The following SNX24 variants were observed in gnomAD, a reference collection of about 807,000 sequenced individuals.
The protein encoded by SNX24 is sorting nexin 24.
Under a neutral mutation model 28.7 loss-of-function variants are expected in SNX24, and 22 were observed. That is an observed-to-expected ratio of 0.77 (90% CI 0.55 to 1.10). The LOEUF is 1.10. Among genes scored for constraint, SNX24 ranks in the 50% least tolerant of loss-of-function variants. The probability of loss-of-function intolerance (pLI) is 0.00; values close to 1 mark genes in which losing one functional copy is unlikely to be tolerated. For missense variants in SNX24, 221 were observed against 201.1 expected (o/e 1.10, Z -0.60); for synonymous variants, 69 against 71.5 (o/e 0.96, Z 0.18).
At chr5:122,916,267 C>T (rs142260744) in intron 1 of SNX24, among the ~76,000 whole-genome samples, 267 of 152,300 alleles carry the variant, frequency 1.8e-3, no homozygotes, top group Middle Eastern at 0.01. Context: ...ATTCTGATTG[C>T]ATGAGGAAAA....
chr5:123,001,537 T>G (rs1016736822), intron 5 of SNX24, 100 bp downstream of exon 5: 14 of 880,962 alleles, frequency 1.6e-5, no homozygotes, highest in Admixed American at 2.6e-5. Flanking sequence ...TAAGAACCTT[T>G]GTTTGGAAAT....
intron 3 of SNX24, among the ~76,000 whole-genome samples, chr5:122,950,560 A>G (rs1759895170): frequency 6.6e-6 from 1 of 152,204 alleles, no homozygotes; most frequent in Non-Finnish European, 1.5e-5. Flanking sequence ...ATAGCCTAGT[A>G]CAGAGGAAAA....
intron 1 of SNX24, among the ~76,000 whole-genome samples, chr5:122,921,705 C>T (rs1039109286): frequency 6.6e-6 from 1 of 151,908 alleles, no homozygotes; most frequent in African/African-American, 2.4e-5. Flanking sequence ...GATTTAGTTC[C>T]GGCTCTTGAG....
chr5:122,969,314 A>T (rs30052), intron 3 of SNX24, among the ~76,000 whole-genome samples: 117,028 of 152,148 alleles, frequency 0.77, 45,893 homozygotes, highest in East Asian at 0.99. Flanking sequence ...CATAGCTGAA[A>T]CCAGAGTGAA....
chr5:122,986,404 AT>A (rs1423292342), intron 3 of SNX24, among the ~76,000 whole-genome samples: 1 of 152,174 alleles, frequency 6.6e-6, no homozygotes, highest in Non-Finnish European at 1.5e-5. Context: ...AAGTCCCAAC[AT>A]TTTGAGTTCA....
rs77734427 is a variant in SNX24 at position 122,979,450 on chromosome 5, G to A, written c.250-20462G>A. ...GGGGTGTAGATCTGGGGACCAGGGT[G>A]GAAGCCAAGAAGGGCTTATGAGCCC... is the stretch of plus-strand genomic sequence containing the variant. On this transcript the variant is annotated intron_variant, in intron 3 of 6. Coordinates refer to ENST00000261369, the MANE Select transcript of SNX24 (RefSeq NM_014035.4). Among the ~76,000 whole-genome samples, 1,248 of 133,128 alleles carry A rather than the reference G, an allele frequency of 9.4e-3. 14 individuals carry two copies. Among genetic ancestry groups the A allele is most frequent in the African/African-American group, 0.033 (1,180 of 35,806 alleles). The allele number at this position is 133,128 out of a possible 152,430, so 87.3% of individuals were successfully genotyped here. A position where few individuals can be genotyped will look rare whatever the true frequency, so the allele number is the denominator to read the frequency against.
At chr5:122,987,388 C>T (rs1761648234) in intron 3 of SNX24, among the ~76,000 whole-genome samples, 1 of 152,296 alleles carries the variant, frequency 6.6e-6, no homozygotes, top group South Asian at 2.1e-4. Context: ...TTTTAACAAG[C>T]CCTCTAGGCG....
chr5:122,997,963 T>C (rs1762109817), intron 3 of SNX24, among the ~76,000 whole-genome samples: 3 of 152,132 alleles, frequency 2.0e-5, no homozygotes. Flanking sequence ...GAAACATGTG[T>C]CATAGCCAAA....
chr5:122,917,773 T>G (rs754933610), intron 1 of SNX24, among the ~76,000 whole-genome samples: 22 of 152,228 alleles, frequency 1.4e-4, no homozygotes, highest in East Asian at 1.9e-4. Context: ...TCAAGGTAAA[T>G]AGTAGGCACT....
chr5:122,882,899 G>T (rs752852637), intron 1 of SNX24, among the ~76,000 whole-genome samples: 1 of 152,042 alleles, frequency 6.6e-6, no homozygotes, highest in Non-Finnish European at 1.5e-5. Context: ...GGACATGGGG[G>T]TGGGAGCATA....
intron 3 of SNX24, among the ~76,000 whole-genome samples, chr5:122,959,456 A>T (rs756764786): frequency 3.7e-4 from 56 of 151,734 alleles, no homozygotes; most frequent in South Asian, 3.5e-3. Flanking sequence ...GCTGGTCTAG[A>T]ACTCCTGGGC....
intron 5 of SNX24, among the ~76,000 whole-genome samples, chr5:123,020,797 A>G (rs1468761241): frequency 6.6e-6 from 1 of 152,152 alleles, no homozygotes; most frequent in Non-Finnish European, 1.5e-5. Context: ...CTTCTGGGCC[A>G]CTTCCTTCTG....
intron 5 of SNX24, among the ~76,000 whole-genome samples, chr5:123,017,881 G>T (rs1762706559): frequency 6.6e-6 from 1 of 152,012 alleles, no homozygotes; most frequent in Non-Finnish European, 1.5e-5. Context: ...TTTGTAAATT[G>T]CCCAGTCTTG....
chr5:122,966,491 G>C (rs1760720478), intron 3 of SNX24, among the ~76,000 whole-genome samples: 1 of 152,164 alleles, frequency 6.6e-6, no homozygotes, highest in South Asian at 2.1e-4. Context: ...ATAAAGAAAA[G>C]AGATGGACTG....
At chr5:122,904,262 G>A (rs246276) in intron 1 of SNX24, among the ~76,000 whole-genome samples, 122,658 of 152,022 alleles carry the variant, frequency 0.81, 50,259 homozygotes, top group East Asian at 0.99. Flanking sequence ...GGCTCGCCAC[G>A]GCCTCTGCCC....
At chr5:122,889,038 A>T (rs1422541577) in intron 1 of SNX24, among the ~76,000 whole-genome samples, 3 of 152,110 alleles carry the variant, frequency 2.0e-5, no homozygotes, top group Non-Finnish European at 4.4e-5. Flanking sequence ...TTTTTGGTAG[A>T]GATGGGGTTT....
chr5:122,987,260 C>A (rs183046405), intron 3 of SNX24, among the ~76,000 whole-genome samples: 3 of 152,166 alleles, frequency 2.0e-5, no homozygotes, highest in Admixed American at 2.0e-4. Flanking sequence ...AGTGTGGTTC[C>A]TGGATCAGTA....
At chr5:122,853,647 G>A (rs1268510865) in intron 1 of SNX24, 1 of 368,988 alleles carries the variant, frequency 2.7e-6, no homozygotes. Flanking sequence ...TCAAATTTAT[G>A]TATTTTAAAA....
At chr5:122,849,825 C>G (rs1335318919) in intron 1 of SNX24, among the ~76,000 whole-genome samples, 2 of 152,296 alleles carry the variant, frequency 1.3e-5, no homozygotes, top group East Asian at 3.9e-4. Flanking sequence ...TATCCTAATA[C>G]AGAATTCAGT....
Sources: gnomAD v4.1 joint callset for allele counts (sites outside exome capture counted in the v4.1 genomes callset) on GRCh38, gnomAD v4.1.1 for gene constraint, MANE v1.5 for transcripts, NCBI Gene and HGNC (gene_info 2026-07-23, HGNC 2026-07-21) for gene names.